The following UBAC2 variants were observed in gnomAD, a reference collection of about 807,000 sequenced individuals.
UBAC2 encodes UBA domain containing 2, also known as ubiquitin-associated domain-containing protein 2.
In UBAC2, 26 loss-of-function variants were observed where a neutral mutation model predicts 44.0. That is an observed-to-expected ratio of 0.59 (90% CI 0.43 to 0.82). The LOEUF is 0.82. UBAC2 is among the 40% of genes least tolerant of loss of function. The pLI is 0.00. For missense variants in UBAC2, 329 were observed against 419.4 expected (o/e 0.78, Z 1.88); for synonymous variants, 155 against 154.3 (o/e 1.00, Z -0.04).
intron 4 of UBAC2, among the ~76,000 whole-genome samples, chr13:99,288,963 G>T (rs1418540116): frequency 1.3e-5 from 2 of 152,202 alleles, no homozygotes; most frequent in African/African-American, 4.8e-5. Context: ...CCCCAATGGA[G>T]TTTATGTTTC....
chr13:99,344,748 C>T (rs987559661), intron 7 of UBAC2, among the ~76,000 whole-genome samples: 3 of 152,180 alleles, frequency 2.0e-5, no homozygotes, highest in Non-Finnish European at 4.4e-5. Context: ...GGCAGGTGCT[C>T]GCTGCCACCC....
intron 1 of UBAC2, 81 bp downstream of exon 1, chr13:99,201,020 AC>A: frequency 7.7e-7 from 1 of 1,294,328 alleles, no homozygotes. Context: ...GGCAGCGGGG[AC>A]CCTCGGGTTT....
At chr13:99,210,396 T>C (rs2042923482) in intron 1 of UBAC2, among the ~76,000 whole-genome samples, 1 of 152,210 alleles carries the variant, frequency 6.6e-6, no homozygotes, top group South Asian at 2.1e-4. Context: ...TACTATTTTC[T>C]TGCCTTTTTT....
At chr13:99,311,074 G>A (rs796559769) in intron 4 of UBAC2, among the ~76,000 whole-genome samples, 16 of 152,318 alleles carry the variant, frequency 1.1e-4, no homozygotes, top group African/African-American at 3.8e-4. Flanking sequence ...CTGTTTTAAA[G>A]GAAAATTCAT....
intron 4 of UBAC2, among the ~76,000 whole-genome samples, chr13:99,304,539 G>T (rs2044303496): frequency 6.6e-6 from 1 of 152,170 alleles, no homozygotes; most frequent in Non-Finnish European, 1.5e-5. Context: ...ATTAGTTAAA[G>T]AATAGCAACA....
Position 99,385,371 on chromosome 13 carries a change from C to T in UBAC2, c.*36C>T, listed in dbSNP as rs771286531. On this transcript the variant is annotated 3_prime_UTR_variant, in exon 9 of 9. Transcript: ENST00000403766. The stretch of plus-strand genomic sequence containing the variant: ...CCAACACTGGGACCGGACCGGCAGC[C>T]GAGTGACAGTGCGTGGTCCCCACCA... 2.3e-5 allele frequency: 35 copies of T among 1,549,944 alleles called. No homozygotes were observed. Among genetic ancestry groups the T allele is most frequent in the Middle Eastern group, 1.7e-4 (1 of 5,898 alleles).
At chr13:99,228,915 A>G (rs995823324) in intron 1 of UBAC2, among the ~76,000 whole-genome samples, 1 of 152,226 alleles carries the variant, frequency 6.6e-6, no homozygotes, top group African/African-American at 2.4e-5. Context: ...ATGCTTAGAC[A>G]AGTACAATAA....
At chr13:99,215,506 G>T in intron 1 of UBAC2, 1 of 1,465,694 alleles carries the variant, frequency 6.8e-7, no homozygotes, top group Non-Finnish European at 9.5e-7. Context: ...CAAGTGACGA[G>T]GGGTAATATA....
At chr13:99,372,443 C>G (rs898892607) in intron 8 of UBAC2, 1 of 153,552 alleles carries the variant, frequency 6.5e-6, no homozygotes, top group Non-Finnish European at 1.5e-5. Flanking sequence ...CTAATGCCCC[C>G]CAAAGACCAC....
chr13:99,217,762 C>T (rs1298596796), intron 1 of UBAC2, among the ~76,000 whole-genome samples: 3 of 152,170 alleles, frequency 2.0e-5, no homozygotes, highest in Non-Finnish European at 2.9e-5. Context: ...TTAAAATTGG[C>T]TTATTTCAGA....
rs201071651 is a variant in UBAC2, at chr13:99,242,195, C to G, written c.160-1637C>G. On this transcript the variant is annotated intron_variant, in intron 2 of 8. Coordinates refer to ENST00000403766, the MANE Select transcript of UBAC2 (RefSeq NM_001144072.2). The stretch of plus-strand genomic sequence containing the variant: ...TCAATCTTTTCCCCACCTTTCCCCC[C>G]CTTCTATTCCACAAAACCGCCATTG... Among the ~76,000 whole-genome samples, 162 of 152,324 alleles carry G rather than the reference C, an allele frequency of 1.1e-3. 1 individual carries two copies. The highest frequency in any genetic ancestry group is 1.8e-3 in the Admixed American group (28 of 15,312).
At chr13:99,376,859 G>A (rs1329271100) in intron 8 of UBAC2, 3 of 152,178 alleles carry the variant, frequency 2.0e-5, no homozygotes, top group Non-Finnish European at 2.9e-5. Context: ...GATGGAGAGG[G>A]AATGTTGAAA....
At chr13:99,277,614 T>A (rs940854865) in intron 4 of UBAC2, among the ~76,000 whole-genome samples, 5 of 152,220 alleles carry the variant, frequency 3.3e-5, no homozygotes, top group Admixed American at 6.5e-5. Context: ...GTGAAATCAT[T>A]TTTTTCTCCA....
Position 99,262,235 on chromosome 13 carries a change from G to A in UBAC2, c.389+17611G>A, listed in dbSNP as rs966042227. On this transcript the variant is annotated intron_variant, in intron 4 of 8. Coordinates refer to ENST00000403766, the MANE Select transcript of UBAC2 (RefSeq NM_001144072.2). The stretch of plus-strand genomic sequence containing the variant: ...AAAACACAAAGGTACTGAGCCTAAT[G>A]TATAAGTTAAACTTTATCATAGGTA... Among the ~76,000 whole-genome samples the A allele has an allele frequency of 3.9e-5, 6 of 152,224 alleles. 1 individual carries two copies. The East Asian group carries it at 5.8e-4, about 15-fold the overall frequency.
At chr13:99,201,593 CA>C in intron 1 of UBAC2, 1 of 1,612,480 alleles carries the variant, frequency 6.2e-7, no homozygotes, top group Non-Finnish European at 8.5e-7. Context: ...TTTTTACAGC[CA>C]GTTAAACGGC....
chr13:99,338,047 C>CTTTTTCTTTTTT (rs2044821100), intron 6 of UBAC2, among the ~76,000 whole-genome samples: 36 of 48,866 alleles, frequency 7.4e-4, no homozygotes, highest in East Asian at 1.8e-3. Flanking sequence ...TTCTTTTTTT[C>CTTTTTCTTTTTT]TTTTTTTTTT....
intron 4 of UBAC2, among the ~76,000 whole-genome samples, chr13:99,250,631 A>G (rs1259377722): frequency 6.6e-6 from 1 of 152,202 alleles, no homozygotes; most frequent in Non-Finnish European, 1.5e-5. Context: ...TTTGCTAGGA[A>G]TAGCCTTAAA....
chr13:99,368,682 T>TGAGA (rs199687530), intron 8 of UBAC2, among the ~76,000 whole-genome samples: 4 of 119,056 alleles, frequency 3.4e-5, no homozygotes, highest in African/African-American at 1.3e-4. Context: ...CGTAAACTCA[T>TGAGA]GAGAGAGTGT....
chr13:99,243,489 C>T (rs1020884622), intron 2 of UBAC2, among the ~76,000 whole-genome samples: 4 of 151,930 alleles, frequency 2.6e-5, no homozygotes, highest in African/African-American at 9.7e-5. Context: ...TAAAAATGAA[C>T]ATTTGTTAGC....
Sources: allele counts gnomAD v4.1 joint callset (sites outside exome capture counted in the v4.1 genomes callset), GRCh38; gene constraint gnomAD v4.1.1; transcripts MANE v1.5; gene names NCBI Gene and HGNC (gene_info 2026-07-23, HGNC 2026-07-21).